The following ATAD2B variants were observed in gnomAD, a reference collection of about 807,000 sequenced individuals.
ATAD2B encodes ATPase family AAA domain containing 2B.
Under a neutral mutation model 167.6 loss-of-function variants are expected in ATAD2B, and 40 were observed. The observed-to-expected ratio is 0.24, with a 90% CI of 0.19 to 0.31. The LOEUF is 0.31. Among genes scored for constraint, ATAD2B ranks in the 10% least tolerant of loss-of-function variants. ATAD2B has a pLI of 1.00. For missense variants in ATAD2B, 1,242 were observed against 1,757.2 expected, an observed-to-expected ratio of 0.71 and a Z score of 5.24; for synonymous variants, 579 against 596.5, an observed-to-expected ratio of 0.97 and a Z score of 0.43.
At chr2:23,681,063 C>A in the ATAD2B span, among the ~76,000 whole-genome samples, 1 of 152,336 alleles carries the variant, frequency 6.6e-6, no homozygotes, top group East Asian at 1.9e-4. This position sits in a 1 kb window ranked among gnomAD's most constrained non-coding sequence, Gnocchi z 4.2. Context: ...GCAGCCTGTG[C>A]CCAGCGGGTC....
At chr2:23,802,538 T>C (rs1285846264) in intron 18 of ATAD2B, among the ~76,000 whole-genome samples, 1 of 152,118 alleles carries the variant, frequency 6.6e-6, no homozygotes, top group Non-Finnish European at 1.5e-5. Context: ...ATTAAATCAC[T>C]TAAATTCTTT....
the ATAD2B span, chr2:23,706,635 G>A: frequency 1.4e-5 from 21 of 1,532,460 alleles, no homozygotes; most frequent in Middle Eastern, 3.3e-4. Context: ...CGGCTGCGTC[G>A]TGATAAAGAA....
chr2:23,750,101 G>A lies in ATAD2B; in HGVS notation c.*1945C>T, dbSNP rs971726691. Reference sequence around the variant, plus strand: ...ATTAGACAATAAAATAGTTTGAATCGGTATGATGGTAATAAATACTAAAGA... The same window carrying A: ...ATTAGACAATAAAATAGTTTGAATCAGTATGATGGTAATAAATACTAAAGA... On this transcript the variant is annotated 3_prime_UTR_variant, in exon 28 of 28. Coordinates refer to ENST00000238789, the MANE Select transcript of ATAD2B (RefSeq NM_017552.4). The A allele has an allele frequency of 1.3e-5, 2 of 152,018 alleles. No homozygotes were observed. The highest frequency in any genetic ancestry group is 4.2e-4 in the South Asian group (2 of 4,810). The allele number at this position is 152,018 out of a possible 1,614,324, so 9.4% of individuals were successfully genotyped here.
At chr2:23,786,265 G>T in intron 20 of ATAD2B, 42 bp from the exon 21 acceptor site, 1 of 1,456,982 alleles carries the variant, frequency 6.9e-7, no homozygotes, top group Non-Finnish European at 9.2e-7. Context: ...CAACGTCGTG[G>T]GCCAGGACCC....
At chr2:23,883,420 T>C (rs765469241) in intron 6 of ATAD2B, among the ~76,000 whole-genome samples, 7 of 151,998 alleles carry the variant, frequency 4.6e-5, no homozygotes, top group South Asian at 2.1e-4. Flanking sequence ...TACTATAAAA[T>C]ACTTGTACCT....
At chr2:23,786,256 A>T (rs996748570) in intron 20 of ATAD2B, 33 bp from the exon 21 acceptor site, 46 of 1,514,986 alleles carry the variant, frequency 3.0e-5, no homozygotes, top group Non-Finnish European at 6.2e-6. Context: ...TTAAGATTCC[A>T]ACGTCGTGGG....
chr2:23,783,755 T>G (rs1260658808), intron 21 of ATAD2B, among the ~76,000 whole-genome samples: 1 of 152,106 alleles, frequency 6.6e-6, no homozygotes, highest in Non-Finnish European at 1.5e-5. Flanking sequence ...GCAACTTATG[T>G]ATCTACTGCC....
chr2:23,739,981 T>C, the ATAD2B span, among the ~76,000 whole-genome samples: 75 of 152,002 alleles, frequency 4.9e-4, no homozygotes, highest in Admixed American at 2.5e-3. Context: ...GACACATACA[T>C]CCTCCCAAGA....
chr2:23,832,933 T>C (rs1186930188), intron 14 of ATAD2B, among the ~76,000 whole-genome samples: 1 of 152,254 alleles, frequency 6.6e-6, no homozygotes, highest in Non-Finnish European at 1.5e-5. Context: ...CCCTATCTAC[T>C]ACAAATAAAC....
chr2:23,833,847 T>C, intron 14 of ATAD2B, 72 bp downstream of exon 14: 1 of 1,152,352 alleles, frequency 8.7e-7, no homozygotes, highest in Non-Finnish European at 1.2e-6. Flanking sequence ...TCATAAAATA[T>C]CACCCTCAGA....
rs190052084 is a variant in ATAD2B, at chr2:23,913,900, G to A, written c.216+12655C>T. 1.7e-3 allele frequency among the ~76,000 whole-genome samples: 261 copies of A among 152,126 alleles called. 1 individual carries two copies. Among genetic ancestry groups the A allele is most frequent in the Non-Finnish European group, 3.2e-3 (216 of 68,018 alleles). On this transcript the variant is annotated intron_variant, in intron 1 of 27. Coordinates refer to ENST00000238789, the MANE Select transcript of ATAD2B (RefSeq NM_017552.4). The stretch of plus-strand genomic sequence containing the variant: ...GAGGATTGCTTGAGCCTAGGTGGTC[G>A]AGGCTTCAGTGAGCTATGATCACGC...
the ATAD2B span, chr2:23,696,372 G>C: frequency 6.4e-7 from 1 of 1,551,622 alleles, no homozygotes; most frequent in Non-Finnish European, 8.7e-7. The surrounding 1 kb of genome is among the most constrained non-coding windows in gnomAD (Gnocchi z 5.5). Context: ...GATGTCTGGT[G>C]CTACATGTCC....
chr2:23,917,324 C>T (rs1422306926), intron 1 of ATAD2B, among the ~76,000 whole-genome samples: 1 of 152,118 alleles, frequency 6.6e-6, no homozygotes, highest in Non-Finnish European at 1.5e-5. Context: ...CAATTTGGGT[C>T]CTAGAATACA....
chr2:23,858,746 G>C (rs528955094), intron 12 of ATAD2B, among the ~76,000 whole-genome samples: 81 of 152,208 alleles, frequency 5.3e-4, no homozygotes, highest in African/African-American at 1.9e-3. Context: ...GCCTGCCAAT[G>C]TGCTGGGATT....
In ATAD2B at chr2:23,762,251, T is replaced by A; in HGVS notation, c.3352A>T (p.Asn1118Tyr). Residue 1118 changes from asparagine (N) to tyrosine (Y), a missense_variant, in exon 24 of 28, where the codon AAT becomes TAT. Coordinates refer to ENST00000238789, the MANE Select transcript of ATAD2B (RefSeq NM_017552.4). ...GAGTTGTGCCACACATCCATTGGAT[T>A]TCTTTGTTTGTGCCGAAATGCCTCT... The part of the protein sequence containing the change: ...VEEAFRHKQR[N>Y]PMDVWHNSAN... 1 of 1,613,722 alleles carries A rather than the reference T, an allele frequency of 6.2e-7. No homozygotes were observed. Among genetic ancestry groups the A allele is most frequent in the Non-Finnish European group, 8.5e-7 (1 of 1,179,784 alleles).
intron 22 of ATAD2B, among the ~76,000 whole-genome samples, chr2:23,782,057 TCCATTCAC>T: frequency 6.6e-6 from 1 of 152,318 alleles, no homozygotes; most frequent in Admixed American, 6.5e-5. Context: ...GGTCAAGTGA[TCCATTCAC>T]CCCGGCCTCC....
chr2:23,820,476 C>T (rs1181896773), intron 16 of ATAD2B, among the ~76,000 whole-genome samples: 3 of 150,548 alleles, frequency 2.0e-5, no homozygotes, highest in African/African-American at 7.3e-5. Flanking sequence ...AAAATCTCTA[C>T]TGAGAATGCA....
intron 7 of ATAD2B, among the ~76,000 whole-genome samples, chr2:23,878,494 T>C (rs539893898): frequency 1.3e-5 from 2 of 148,980 alleles, no homozygotes; most frequent in South Asian, 4.2e-4. Context: ...CTGTCTCTAC[T>C]AAAAACACAA....
chr2:23,909,645 C>A (rs916036326), intron 1 of ATAD2B, among the ~76,000 whole-genome samples: 9 of 151,810 alleles, frequency 5.9e-5, no homozygotes, highest in Non-Finnish European at 2.9e-5. Context: ...AGTGGTTATC[C>A]CTCGGAAGAA....
Sources: allele counts gnomAD v4.1 joint callset (sites outside exome capture counted in the v4.1 genomes callset), GRCh38; gene constraint gnomAD v4.1.1; non-coding constraint Gnocchi (gnomAD v3.1); transcripts MANE v1.5; gene names NCBI Gene and HGNC (gene_info 2026-07-23, HGNC 2026-07-21).